ATL1: variants seen among roughly 807,000 people sequenced by gnomAD.
ATL1 encodes atlastin-1.
In ATL1, 31 loss-of-function variants were observed where a neutral mutation model predicts 75.5. The observed-to-expected ratio is 0.41, with a 90% CI of 0.31 to 0.55. The LOEUF (loss-of-function observed/expected upper bound fraction) is 0.55, where lower values mean the gene tolerates loss of function less well. Ranked by LOEUF, ATL1 falls within the 20% of genes least tolerant of loss-of-function variation. ATL1 has a pLI of 0.27. For missense variants in ATL1, 405 were observed against 662.6 expected, an observed-to-expected ratio of 0.61 and a Z score of 4.27; for synonymous variants, 226 against 233.3, an observed-to-expected ratio of 0.97 and a Z score of 0.28.
At chr14:50,580,355 G>A (rs1385190185) in intron 1 of ATL1, among the ~76,000 whole-genome samples, 1 of 152,140 alleles carries the variant, frequency 6.6e-6, no homozygotes, top group Non-Finnish European at 1.5e-5. Flanking sequence ...CCATTTATTA[G>A]ATTAAGGAAT....
chr14:50,593,701 T>G (rs1401960565), intron 4 of ATL1, 145 bp from the exon 5 acceptor site: 1 of 583,338 alleles, frequency 1.7e-6, no homozygotes, highest in African/African-American at 1.9e-5. Context: ...TACTTCTCTC[T>G]CAAGGTCTTA....
chr14:50,540,735 A>G (rs1320047683), intron 1 of ATL1, among the ~76,000 whole-genome samples: 1 of 152,248 alleles, frequency 6.6e-6, no homozygotes, highest in Non-Finnish European at 1.5e-5. Context: ...GAGTATAGAT[A>G]TATTGAGTAG....
At chr14:50,550,342 C>G (rs2038686656) in intron 1 of ATL1, among the ~76,000 whole-genome samples, 1 of 152,164 alleles carries the variant, frequency 6.6e-6, no homozygotes, top group South Asian at 2.1e-4. Flanking sequence ...AGTAGATATA[C>G]CCATGAGGGT....
At chr14:50,611,533 T>C (rs1228947257) in intron 6 of ATL1, among the ~76,000 whole-genome samples, 1 of 152,102 alleles carries the variant, frequency 6.6e-6, no homozygotes, top group Non-Finnish European at 1.5e-5. Context: ...GAATGCTGAT[T>C]TTCTTATGGC....
intron 4 of ATL1, among the ~76,000 whole-genome samples, chr14:50,593,309 CCTTAA>C (rs1451528606): frequency 1.3e-5 from 2 of 152,008 alleles, no homozygotes; most frequent in Non-Finnish European, 2.9e-5. Flanking sequence ...ATATAAGCCT[CCTTAA>C]CTTTTCTTTG....
At position 50,590,810 on chromosome 14, in the gene ATL1, T is replaced by C; in HGVS notation, c.283-131T>C. The C allele has an allele frequency of 3.4e-6, 3 of 869,904 alleles. No individual in the cohort carries two copies. The South Asian group carries it at 4.7e-5, about 13-fold the overall frequency. The allele number at this position is 869,904 out of a possible 1,614,324, so 53.9% of individuals were successfully genotyped here. ...TTTTTGGATGAATAAAGTGATGGTA[T>C]CAATGCAATAGATGTGCATATGTTG... On this transcript the variant is annotated intron_variant, in intron 2 of 13. Transcript: ENST00000358385.
chr14:50,571,283 A>T (rs371557617), intron 1 of ATL1, among the ~76,000 whole-genome samples: 2 of 152,150 alleles, frequency 1.3e-5, no homozygotes, highest in East Asian at 3.8e-4. Context: ...ACCTGCATTC[A>T]AGCTGCTCCA....
chr14:50,608,047 A>AT (rs1211327356), intron 6 of ATL1, among the ~76,000 whole-genome samples: 2 of 152,092 alleles, frequency 1.3e-5, no homozygotes, highest in African/African-American at 4.8e-5. Flanking sequence ...TTAGATGATT[A>AT]TTTCATTTGT....
intron 1 of ATL1, among the ~76,000 whole-genome samples, chr14:50,553,097 C>T (rs189013246): frequency 1.0e-3 from 152 of 152,010 alleles, no homozygotes; most frequent in Admixed American, 3.5e-3. Context: ...GAGTTCAAGA[C>T]CAGCCTGGCA....
Position 50,587,886 on chromosome 14 carries a change from A to G in ATL1, c.90A>G (p.Lys30=), listed in dbSNP as rs200452381. The G allele has an allele frequency of 2.7e-5, 44 of 1,614,200 alleles. No homozygotes were observed. In the East Asian group the frequency reaches 8.9e-4, roughly 33 times the overall value. Residue 30 remains lysine (K), a synonymous_variant, in exon 2 of 14, where the codon AAA becomes AAG. Transcript: ENST00000358385. The part of the protein sequence containing the change: ...EWSSEEEEPV[K]KAGPVQVLIV... The stretch of plus-strand genomic sequence containing the variant: ...GCTCAGAAGAGGAGGAGCCAGTGAA[A>G]AAGGCAGGACCAGTCCAAGTCCTCA...
intron 1 of ATL1, among the ~76,000 whole-genome samples, chr14:50,560,840 C>A (rs1472152146): frequency 6.6e-6 from 1 of 152,164 alleles, no homozygotes; most frequent in Non-Finnish European, 1.5e-5. Flanking sequence ...CCCGGACGGA[C>A]GGTAGCAGAC....
At chr14:50,578,587 C>T (rs932495889) in intron 1 of ATL1, among the ~76,000 whole-genome samples, 3 of 152,204 alleles carry the variant, frequency 2.0e-5, no homozygotes, top group African/African-American at 7.2e-5. Context: ...GCCAAACACA[C>T]TCTCCCACAC....
At chr14:50,576,847 G>C (rs2039010399) in intron 1 of ATL1, among the ~76,000 whole-genome samples, 1 of 152,086 alleles carries the variant, frequency 6.6e-6, no homozygotes, top group African/African-American at 2.4e-5. Flanking sequence ...AAAGTGCTGG[G>C]ATTACAGATA....
intron 1 of ATL1, among the ~76,000 whole-genome samples, chr14:50,547,988 A>G (rs539775307): frequency 6.6e-6 from 1 of 152,264 alleles, no homozygotes; most frequent in African/African-American, 2.4e-5. Flanking sequence ...TCACTGTATT[A>G]ATGATATCAT....
Position 50,633,045 on chromosome 14 carries a change from A to G in ATL1, c.*706A>G, listed in dbSNP as rs1566737602. 2 of 152,152 alleles carry G rather than the reference A, an allele frequency of 1.3e-5. No individual in the cohort carries two copies. Among genetic ancestry groups the G allele is most frequent in the African/African-American group, 4.8e-5 (2 of 41,458 alleles). The allele number at this position is 152,152 out of a possible 1,614,324, so 9.4% of individuals were successfully genotyped here. ...TTTACTCTGGTTCCTAAGATTAAAA[A>G]CAAATGCTTACTGAATTTGAAAATG... On this transcript the variant is annotated 3_prime_UTR_variant, in exon 14 of 14. Transcript: ENST00000358385.
intron 12 of ATL1, among the ~76,000 whole-genome samples, chr14:50,629,495 C>T (rs1173889777): frequency 1.3e-5 from 2 of 150,982 alleles, no homozygotes; most frequent in Non-Finnish European, 2.9e-5. Flanking sequence ...GCAGGAGAAT[C>T]GCTTGAACCC....
chr14:50,549,454 A>G (rs535110441), intron 1 of ATL1, among the ~76,000 whole-genome samples: 2 of 152,274 alleles, frequency 1.3e-5, no homozygotes, highest in East Asian at 3.9e-4. Context: ...CAACCTCCAC[A>G]GGACTGACAA....
At chr14:50,583,027 C>T (rs1221622321) in intron 1 of ATL1, among the ~76,000 whole-genome samples, 1 of 152,068 alleles carries the variant, frequency 6.6e-6, no homozygotes, top group Non-Finnish European at 1.5e-5. Flanking sequence ...TTTAGAAACC[C>T]TTAGTAAACT....
chr14:50,561,559 GTTTAC>G (rs1156976390), intron 1 of ATL1, among the ~76,000 whole-genome samples: 1 of 152,114 alleles, frequency 6.6e-6, no homozygotes, highest in Admixed American at 6.5e-5. Flanking sequence ...GGTTATTTCA[GTTTAC>G]TTTAATCAAA....
Sources: allele counts gnomAD v4.1 joint callset (sites outside exome capture counted in the v4.1 genomes callset), GRCh38; gene constraint gnomAD v4.1.1; transcripts MANE v1.5; gene names NCBI Gene and HGNC (gene_info 2026-07-23, HGNC 2026-07-21).